CSMD1: variants seen among roughly 807,000 people sequenced by gnomAD.
The protein encoded by CSMD1 is CUB and sushi domain-containing protein 1.
Under a neutral mutation model 417.5 loss-of-function variants are expected in CSMD1, and 213 were observed. The ratio of observed to expected loss-of-function variants is 0.51; its 90% CI spans 0.46 to 0.57. The LOEUF is 0.57. CSMD1 is among the 20% of genes least tolerant of loss of function. The probability of loss-of-function intolerance (pLI) is 0.00; values close to 1 mark genes in which losing one functional copy is unlikely to be tolerated. For missense variants in CSMD1, 6,923 were observed against 4,529.7 expected (o/e 1.53, Z -15.17); for synonymous variants, 2,862 against 1,736.8 (o/e 1.65, Z -16.11).
chr8:3,846,182 G>A (rs892268173), intron 5 of CSMD1, among the ~76,000 whole-genome samples: 1 of 152,146 alleles, frequency 6.6e-6, no homozygotes. Context: ...AAGTGTATGT[G>A]CTAGGCTTTT....
chr8:3,436,522 G>A (rs1814577822), intron 12 of CSMD1, among the ~76,000 whole-genome samples: 1 of 152,116 alleles, frequency 6.6e-6, no homozygotes, highest in Non-Finnish European at 1.5e-5. Flanking sequence ...TAAGTGTAAT[G>A]TTTAGTGGCT....
At chr8:3,515,059 T>G (rs879191349) in intron 10 of CSMD1, among the ~76,000 whole-genome samples, 2 of 152,164 alleles carry the variant, frequency 1.3e-5, no homozygotes, top group African/African-American at 4.8e-5. Flanking sequence ...GACATCTAAC[T>G]TTTCAAAATA....
chr8:3,967,853 T>C (rs1465183967), intron 5 of CSMD1, among the ~76,000 whole-genome samples: 1 of 151,896 alleles, frequency 6.6e-6, no homozygotes, highest in Non-Finnish European at 1.5e-5. Flanking sequence ...GATGACAGCA[T>C]TTCCCTTGCT....
intron 2 of CSMD1, among the ~76,000 whole-genome samples, chr8:4,535,457 T>C (rs1349615426): frequency 6.6e-6 from 1 of 152,190 alleles, no homozygotes; most frequent in Non-Finnish European, 1.5e-5. Context: ...GCAATCATTA[T>C]AAACTTAAAG....
At chr8:3,837,102 G>C (rs10503218) in intron 5 of CSMD1, among the ~76,000 whole-genome samples, 8,056 of 150,404 alleles carry the variant, frequency 0.054, 309 homozygotes, top group Non-Finnish European at 0.082. Flanking sequence ...CCATTGAGTA[G>C]ATTACCATTC....
chr8:4,793,612 G>A (rs935290035), intron 1 of CSMD1, among the ~76,000 whole-genome samples: 1 of 151,324 alleles, frequency 6.6e-6, no homozygotes, highest in Non-Finnish European at 1.5e-5. Context: ...CTATCATACT[G>A]TTTCAAAAAA....
At chr8:4,825,828 G>C (rs9657370) in intron 1 of CSMD1, among the ~76,000 whole-genome samples, 1 of 148,142 alleles carries the variant, frequency 6.8e-6, no homozygotes, top group Admixed American at 6.8e-5. Context: ...ATCCAATTAA[G>C]AAATGGGCAA....
intron 26 of CSMD1, among the ~76,000 whole-genome samples, chr8:3,273,100 C>T (rs999250461): frequency 6.6e-5 from 10 of 151,954 alleles, no homozygotes; most frequent in East Asian, 1.9e-4. Flanking sequence ...TTTTGAGATA[C>T]GTCCCATCAA....
chr8:4,720,184 ATT>A (rs1207799536), intron 1 of CSMD1, among the ~76,000 whole-genome samples: 1 of 139,340 alleles, frequency 7.2e-6, no homozygotes, highest in Non-Finnish European at 1.6e-5. Context: ...ATATATATAT[ATT>A]TATATTTCAT....
At chr8:4,386,508 C>A (rs570766119) in intron 3 of CSMD1, among the ~76,000 whole-genome samples, 1 of 152,344 alleles carries the variant, frequency 6.6e-6, no homozygotes, top group Admixed American at 6.5e-5. Flanking sequence ...GAATCTCAAT[C>A]CCATTGCTTG....
intron 37 of CSMD1, among the ~76,000 whole-genome samples, chr8:3,166,546 T>C (rs76305264): frequency 0.028 from 4,291 of 151,780 alleles, 96 homozygotes; most frequent in Non-Finnish European, 0.041. Context: ...AAAAATAAAA[T>C]AAAAAATAAA....
At chr8:4,766,604 T>G (rs180693596) in intron 1 of CSMD1, among the ~76,000 whole-genome samples, 34 of 152,316 alleles carry the variant, frequency 2.2e-4, no homozygotes, top group Admixed American at 1.4e-3. Context: ...TTATTGCGTG[T>G]TTACTGAATG....
chr8:4,353,516 G>A (rs1240014752), intron 3 of CSMD1, among the ~76,000 whole-genome samples: 3 of 151,960 alleles, frequency 2.0e-5, no homozygotes, highest in Non-Finnish European at 2.9e-5. Context: ...CACTGCATAT[G>A]ATCTCAATAT....
At chr8:4,490,647 C>T (rs929045414) in intron 2 of CSMD1, among the ~76,000 whole-genome samples, 17 of 152,074 alleles carry the variant, frequency 1.1e-4, no homozygotes, top group Non-Finnish European at 2.4e-4. Flanking sequence ...GCCCATTTGA[C>T]CCATGCTCAG....
chr8:4,547,436 C>A (rs1797686468), intron 2 of CSMD1, among the ~76,000 whole-genome samples: 1 of 152,162 alleles, frequency 6.6e-6, no homozygotes, highest in African/African-American at 2.4e-5. Context: ...TTCCTAGCAT[C>A]AGATTGAAAA....
intron 1 of CSMD1, among the ~76,000 whole-genome samples, chr8:4,851,405 T>C (rs1231157459): frequency 1.3e-5 from 2 of 152,144 alleles, no homozygotes; most frequent in African/African-American, 4.8e-5. Context: ...TTTTTGTTTT[T>C]TTCCTGGCTG....
chr8:4,032,468 T>C (rs925264255), intron 3 of CSMD1, among the ~76,000 whole-genome samples: 6 of 152,326 alleles, frequency 3.9e-5, no homozygotes, highest in Middle Eastern at 3.4e-3. Context: ...CAGTAGACTA[T>C]AGAAATCTAA....
intron 3 of CSMD1, among the ~76,000 whole-genome samples, chr8:4,417,017 T>C (rs1004471923): frequency 6.6e-6 from 1 of 152,058 alleles, no homozygotes; most frequent in Admixed American, 6.6e-5. Context: ...AAGACTAATG[T>C]CCAAGTATAG....
chr8:3,497,354 T>C (rs968994816), intron 10 of CSMD1, among the ~76,000 whole-genome samples: 1 of 152,186 alleles, frequency 6.6e-6, no homozygotes, highest in Non-Finnish European at 1.5e-5. Context: ...TTACAATTGT[T>C]ATACATTATT....
Sources: allele counts gnomAD v4.1 joint callset (sites outside exome capture counted in the v4.1 genomes callset), GRCh38; gene constraint gnomAD v4.1.1; transcripts MANE v1.5; gene names NCBI Gene and HGNC (gene_info 2026-07-23, HGNC 2026-07-21).